Variants in HAPLN2 observed in about 807,000 individuals in gnomAD.
The protein encoded by HAPLN2 is brain link protein-1.
HAPLN2 carries 27 observed loss-of-function variants against 29.3 expected under a neutral mutation model. The observed-to-expected ratio is 0.92, with a 90% CI of 0.68 to 1.27. HAPLN2 has a LOEUF of 1.27. Among genes scored for constraint, HAPLN2 ranks in the 50% most tolerant of loss-of-function variants. The probability of loss-of-function intolerance (pLI) is 0.00; values close to 1 mark genes in which losing one functional copy is unlikely to be tolerated. For synonymous variants in HAPLN2, 208 were observed against 211.7 expected (o/e 0.98, Z 0.15); for missense variants, 454 against 484.3 (o/e 0.94, Z 0.59).
chr1:156,602,433 C>T, the HAPLN2 span, among the ~76,000 whole-genome samples: 2 of 150,946 alleles, frequency 1.3e-5, no homozygotes, highest in Admixed American at 1.3e-4. Context: ...ATGGGTGAGA[C>T]GCGGTGGCTC....
upstream of HAPLN2, among the ~76,000 whole-genome samples, chr1:156,616,115 C>T (rs1264790221): frequency 6.6e-6 from 1 of 152,124 alleles, no homozygotes; most frequent in Non-Finnish European, 1.5e-5. Context: ...GCCAGCTGAA[C>T]CTGCTTGGAT....
the HAPLN2 span, among the ~76,000 whole-genome samples, chr1:156,611,839 A>C: frequency 6.6e-6 from 1 of 152,220 alleles, no homozygotes; most frequent in African/African-American, 2.4e-5. Context: ...ATTTATGCTT[A>C]GACTTTCAAC....
rs759327164 is a variant in HAPLN2 at position 156,624,157 on chromosome 1, G to C, written c.436G>C (p.Glu146Gln). The change falls in exon 4 of 7, where the codon GAG becomes CAG. Residue 146 changes from glutamate to glutamine, a missense_variant. Glu to Gln is a conservative substitution (Grantham distance 29). Transcript: ENST00000255039. ...GAGCGTGGCGCTGACCTTGAGCTTG[G>C]AGGGTGAGGCCCTTCCGCTCCCGCC... ...DESVALTLSL[E>Q]GVVFPYQPSR... 25 of 1,612,548 alleles carry C rather than the reference G, an allele frequency of 1.6e-5. No homozygotes were observed. Among genetic ancestry groups the C allele is most frequent in the Non-Finnish European group, 2.0e-5 (24 of 1,179,542 alleles).
At chr1:156,618,504 G>A (rs555406605), upstream of HAPLN2, among the ~76,000 whole-genome samples, 4 of 152,038 alleles carry the variant, frequency 2.6e-5, no homozygotes, top group South Asian at 8.3e-4. Flanking sequence ...AAAAGGCCGG[G>A]CACGGTGGCT....
the HAPLN2 span, among the ~76,000 whole-genome samples, chr1:156,602,999 T>C: frequency 2.0e-5 from 3 of 152,128 alleles, no homozygotes; most frequent in East Asian, 5.8e-4. Context: ...TTCATCCCCA[T>C]AATTTTTTCC....
chr1:156,609,765 G>A, the HAPLN2 span, among the ~76,000 whole-genome samples: 1 of 152,108 alleles, frequency 6.6e-6, no homozygotes, highest in African/African-American at 2.4e-5. Flanking sequence ...ACTTGAGGGA[G>A]GAGGGTGGGA....
In HAPLN2 at chr1:156,625,567, G is replaced by A. The variant is rs1678425235; in HGVS notation, c.*183G>A. The A allele has an allele frequency of 3.3e-6, 2 of 597,916 alleles. No homozygotes were observed. The highest frequency in any genetic ancestry group is 5.3e-6 in the Non-Finnish European group (2 of 373,892). The allele number at this position is 597,916 out of a possible 1,614,324, so 37.0% of individuals were successfully genotyped here. On this transcript the variant is annotated 3_prime_UTR_variant, in exon 7 of 7. Coordinates refer to ENST00000255039, the MANE Select transcript of HAPLN2 (RefSeq NM_021817.3). The surrounding 1 kb of genome is among the most constrained non-coding windows in gnomAD (Gnocchi z 5.7). Reference sequence around the variant, plus strand: ...GCTGGCCCGGCGGCGGGGAGGGGAGGCGGGGGCGCCTCCGGCGGCGAGATG... The same window carrying A: ...GCTGGCCCGGCGGCGGGGAGGGGAGACGGGGGCGCCTCCGGCGGCGAGATG...
In HAPLN2 at chr1:156,624,071, G is replaced by T; in HGVS notation, c.350G>T (p.Gly117Val). Residue 117 changes from glycine (G) to valine (V), a missense_variant, in exon 4 of 7, where the codon GGC becomes GTC. Around this residue, in one of 3 missense-constraint regions of HAPLN2, gnomAD observed 204 missense variants for 209.2 expected, o/e 0.98. Coordinates refer to ENST00000255039, the MANE Select transcript of HAPLN2 (RefSeq NM_021817.3). ...HRLDASLVIA[G>V]VRLEDEGRYR... is the part of the protein sequence containing the mutation. ...CTAGACGCCTCCCTGGTCATCGCGGGCGTGCGCCTGGAGGACGAGGGCCGG... is the reference window on the plus strand; with the variant it reads ...CTAGACGCCTCCCTGGTCATCGCGGTCGTGCGCCTGGAGGACGAGGGCCGG... 1 of 1,613,612 alleles carries T rather than the reference G, an allele frequency of 6.2e-7. No individual in the cohort carries two copies. Among genetic ancestry groups the T allele is most frequent in the Non-Finnish European group, 8.5e-7 (1 of 1,179,916 alleles).
At chr1:156,601,734 A>G in the HAPLN2 span, among the ~76,000 whole-genome samples, 5 of 152,144 alleles carry the variant, frequency 3.3e-5, no homozygotes, top group Non-Finnish European at 7.4e-5. Flanking sequence ...CGCGTCCTAC[A>G]CTGAGCTAGT....
At chr1:156,622,464 A>AG (rs1678261359) in intron 2 of HAPLN2, among the ~76,000 whole-genome samples, 1 of 151,810 alleles carries the variant, frequency 6.6e-6, no homozygotes, top group Admixed American at 6.6e-5. Flanking sequence ...AAAAAAAAAA[A>AG]GGTCCGCAGT....
chr1:156,608,797 C>T, the HAPLN2 span, among the ~76,000 whole-genome samples: 1 of 152,140 alleles, frequency 6.6e-6, no homozygotes, highest in African/African-American at 2.4e-5. Flanking sequence ...CGCCCTCTTT[C>T]TTTTGCAGTG....
chr1:156,624,915 C>CCCCCCCCCCCCG, intron 6 of HAPLN2, 132 bp downstream of exon 6: 1 of 889,312 alleles, frequency 1.1e-6, no homozygotes. Context: ...ATCAGCCCGC[C>CCCCCCCCCCCCG]CGCCCGCCCA....
At chr1:156,614,558 A>G (rs1051389624), upstream of HAPLN2, among the ~76,000 whole-genome samples, 1 of 152,136 alleles carries the variant, frequency 6.6e-6, no homozygotes, top group African/African-American at 2.4e-5. Context: ...TCCTGGTCTG[A>G]GAATGGTTGA....
At chr1:156,608,319 C>T in the HAPLN2 span, among the ~76,000 whole-genome samples, 16 of 152,084 alleles carry the variant, frequency 1.1e-4, no homozygotes, top group African/African-American at 3.9e-4. Flanking sequence ...GCCATCTGCC[C>T]CTTGGTGTCA....
Position 156,625,321 on chromosome 1 carries a change from C to A in HAPLN2, c.960C>A (p.Arg320=). The part of the protein sequence containing the change: ...RCGGLPDPGV[R]SFGFPRPQQA... Reference sequence around the variant, plus strand: ...GGGGGCTCCCGGATCCCGGAGTGCGCAGTTTCGGCTTCCCCAGGCCCCAAC... The same window carrying A: ...GGGGGCTCCCGGATCCCGGAGTGCGAAGTTTCGGCTTCCCCAGGCCCCAAC... The change falls in exon 7 of 7, where the codon CGC becomes CGA. Residue 320 remains arginine (R), a synonymous_variant. Coordinates refer to ENST00000255039, the MANE Select transcript of HAPLN2 (RefSeq NM_021817.3). The surrounding 1 kb of genome is among the most constrained non-coding windows in gnomAD (Gnocchi z 5.7). 1 of 1,593,724 alleles carries A rather than the reference C, an allele frequency of 6.3e-7. No homozygotes were observed. The highest frequency in any genetic ancestry group is 1.1e-5 in the South Asian group (1 of 87,856).
rs1174912400 is a variant in HAPLN2, at chr1:156,624,733, A to T, written c.689A>T (p.Asp230Val). 1 of 1,562,514 alleles carries T rather than the reference A, an allele frequency of 6.4e-7. No individual in the cohort carries two copies. Among genetic ancestry groups the T allele is most frequent in the Non-Finnish European group, 8.6e-7 (1 of 1,162,088 alleles). ...RPGIRSYGPR[D>V]RMRDRYDAFC... is the part of the protein sequence containing the mutation. ...GGGATCCGCAGCTACGGACCCCGCG[A>T]CCGGATGCGCGACCGCTACGACGCC... is the stretch of plus-strand genomic sequence containing the variant. Residue 230 changes from aspartate to valine, a missense_variant, in exon 6 of 7, where the codon GAC becomes GTC. Physicochemically the swap from Asp to Val is radical, Grantham distance 152. Around this residue, in one of 3 missense-constraint regions of HAPLN2, gnomAD observed 235 missense variants for 236.9 expected, o/e 0.99. Transcript: ENST00000255039.
At chr1:156,614,882 A>C (rs1156948723), upstream of HAPLN2, 1 of 152,198 alleles carries the variant, frequency 6.6e-6, no homozygotes, top group East Asian at 1.9e-4. Context: ...GTAAAATCTA[A>C]TTTTACATCT....
At chr1:156,620,304 C>A (rs1044718567) in intron 2 of HAPLN2, 146 bp downstream of exon 2, 2 of 152,182 alleles carry the variant, frequency 1.3e-5, no homozygotes, top group African/African-American at 4.8e-5. Flanking sequence ...CCAGCAAACC[C>A]TTCCTCTTAC....
chr1:156,601,584 G>A, the HAPLN2 span: 56 of 908,516 alleles, frequency 6.2e-5, no homozygotes, highest in South Asian at 5.7e-4. Context: ...TTGCCGGTAT[G>A]GTTGCCATAG....
Sources: allele counts gnomAD v4.1 joint callset (sites outside exome capture counted in the v4.1 genomes callset), GRCh38; gene constraint gnomAD v4.1.1; regional missense constraint gnomAD v4.1.1; non-coding constraint Gnocchi (gnomAD v3.1); transcripts MANE v1.5; gene names NCBI Gene and HGNC (gene_info 2026-07-23, HGNC 2026-07-21).